The following B3GALT1 variants were observed in gnomAD, a reference collection of about 807,000 sequenced individuals.
The protein encoded by B3GALT1 is UDP-Gal:betaGlcNAc beta 1,3-galactosyltransferase, polypeptide 1.
In B3GALT1, 10 loss-of-function variants were observed where a neutral mutation model predicts 23.2. That is an observed-to-expected ratio of 0.43 (90% CI 0.27 to 0.73). The LOEUF is 0.73. Ranked by LOEUF, B3GALT1 falls within the 30% of genes least tolerant of loss-of-function variation. The probability of loss-of-function intolerance (pLI) is 0.21; values close to 1 mark genes in which losing one functional copy is unlikely to be tolerated. For synonymous variants in B3GALT1, 156 were observed against 141.5 expected, an observed-to-expected ratio of 1.10 and a Z score of -0.73; for missense variants, 299 against 405.4, an observed-to-expected ratio of 0.74 and a Z score of 2.25.
intron 1 of B3GALT1, among the ~76,000 whole-genome samples, chr2:167,320,143 GT>G (rs752351436): frequency 4.0e-5 from 6 of 149,634 alleles, no homozygotes; most frequent in Non-Finnish European, 8.9e-5. Context: ...TTTATTAAGT[GT>G]TTCTCCCTTT....
At position 167,491,553 on chromosome 2, in the gene B3GALT1, G is replaced by A. The variant is rs529501425; in HGVS notation, c.-410+1276G>A. ...TTATGGGCTGGGTGCAGTGGCTTAC[G>A]CCTGTAATCCCAGCACTTTGGGAGG... On this transcript the variant is annotated intron_variant, in intron 2 of 4. Coordinates refer to ENST00000392690, the MANE Select transcript of B3GALT1 (RefSeq NM_020981.4). Among the ~76,000 whole-genome samples the A allele has an allele frequency of 8.4e-5, 12 of 143,682 alleles. No individual in the cohort carries two copies. The South Asian group carries it at 1.6e-3, about 19-fold the overall frequency. 94.3% of individuals were successfully genotyped at this position (143,682 alleles called of 152,430 possible). A position where few individuals can be genotyped will look rare whatever the true frequency, so the allele number is the denominator to read the frequency against.
chr2:167,331,543 C>T (rs955842962), intron 1 of B3GALT1, among the ~76,000 whole-genome samples: 1 of 152,112 alleles, frequency 6.6e-6, no homozygotes, highest in Non-Finnish European at 1.5e-5. Context: ...GGAGTGGGTG[C>T]CAGCTGTAAT....
chr2:167,344,768 A>G (rs955027093), intron 1 of B3GALT1, among the ~76,000 whole-genome samples: 1 of 152,178 alleles, frequency 6.6e-6, no homozygotes, highest in African/African-American at 2.4e-5. Flanking sequence ...CCCATTTGGT[A>G]AAAAATACAA....
At position 167,595,769 on chromosome 2, in the gene B3GALT1, A is replaced by C. The variant is rs551441083; in HGVS notation, c.-409-51140A>C. Among the ~76,000 whole-genome samples the C allele has an allele frequency of 1.2e-4, 18 of 152,356 alleles. No homozygotes were observed. In the South Asian group the frequency reaches 3.7e-3, roughly 32 times the overall value. ...TTAAAATATGGGCTTTTATACTTTGATAAAATGAAAATGAAAGTTGTTTCT... is the reference window on the plus strand; with the variant it reads ...TTAAAATATGGGCTTTTATACTTTGCTAAAATGAAAATGAAAGTTGTTTCT... On this transcript the variant is annotated intron_variant, in intron 2 of 4. Transcript: ENST00000392690.
intron 1 of B3GALT1, among the ~76,000 whole-genome samples, chr2:167,371,936 A>C (rs960835183): frequency 1.3e-5 from 2 of 151,748 alleles, no homozygotes; most frequent in African/African-American, 4.8e-5. Context: ...ATATATTTAT[A>C]ATATTTTTTT....
chr2:167,463,000 C>T lies in B3GALT1; in HGVS notation c.-510-27177C>T, dbSNP rs148724515. 3.5e-3 allele frequency among the ~76,000 whole-genome samples: 538 copies of T among 152,098 alleles called. 20 individuals carry two copies. In the East Asian group the frequency reaches 0.076, roughly 21 times the overall value. ...TTGTTTATGATAAAATAAATGAGAACGTATCTGTTAATGAAATTTGGTTTC... is the reference window on the plus strand; with the variant it reads ...TTGTTTATGATAAAATAAATGAGAATGTATCTGTTAATGAAATTTGGTTTC... On this transcript the variant is annotated intron_variant, in intron 1 of 4. Coordinates refer to ENST00000392690, the MANE Select transcript of B3GALT1 (RefSeq NM_020981.4).
intron 1 of B3GALT1, among the ~76,000 whole-genome samples, chr2:167,313,762 C>G (rs1409126551): frequency 2.0e-5 from 3 of 152,150 alleles, no homozygotes; most frequent in Admixed American, 6.6e-5. Context: ...CTGACAGATG[C>G]ACAACAAGCT....
chr2:167,367,457 C>A (rs1370553530), intron 1 of B3GALT1, among the ~76,000 whole-genome samples: 1 of 152,154 alleles, frequency 6.6e-6, no homozygotes, highest in East Asian at 1.9e-4. Context: ...AAGAGAATAG[C>A]CTCTCATTCG....
intron 2 of B3GALT1, among the ~76,000 whole-genome samples, chr2:167,599,783 G>C (rs1684840427): frequency 6.6e-6 from 1 of 152,036 alleles, no homozygotes; most frequent in South Asian, 2.1e-4. Context: ...CTTCAGAATT[G>C]AACAATTCTG....
At chr2:167,457,837 C>T (rs977917716) in intron 1 of B3GALT1, among the ~76,000 whole-genome samples, 1 of 152,068 alleles carries the variant, frequency 6.6e-6, no homozygotes, top group African/African-American at 2.4e-5. Context: ...TTTTGTGGCC[C>T]CATTCTAGAC....
intron 1 of B3GALT1, among the ~76,000 whole-genome samples, chr2:167,476,021 A>T (rs1250258144): frequency 6.6e-6 from 1 of 152,148 alleles, no homozygotes; most frequent in Non-Finnish European, 1.5e-5. Context: ...ATATTGGATT[A>T]GGGGCCCACC....
rs1242349230 is a variant in B3GALT1, at chr2:167,664,040, C to T, written c.-352+17074C>T. Among the ~76,000 whole-genome samples the T allele has an allele frequency of 3.3e-5, 5 of 150,792 alleles. No individual in the cohort carries two copies. In the East Asian group the frequency reaches 9.7e-4, roughly 29 times the overall value. On this transcript the variant is annotated intron_variant, in intron 3 of 4. Coordinates refer to ENST00000392690, the MANE Select transcript of B3GALT1 (RefSeq NM_020981.4). ...TTTAGACATGAAGTCCTTGCCCATG[C>T]CTATGTCCTGAATGGTAATGCCTAG...
chr2:167,326,087 GTT>G (rs34790586), intron 1 of B3GALT1, among the ~76,000 whole-genome samples: 16 of 148,412 alleles, frequency 1.1e-4, no homozygotes, highest in South Asian at 2.1e-4. Context: ...ACCAATATCT[GTT>G]TTTTTTTTTC....
At chr2:167,386,595 G>A (rs73021726) in intron 1 of B3GALT1, among the ~76,000 whole-genome samples, 3,089 of 152,066 alleles carry the variant, frequency 0.02, 109 homozygotes, top group African/African-American at 0.071. Context: ...TACTATACTG[G>A]ATTATAAATG....
intron 3 of B3GALT1, among the ~76,000 whole-genome samples, chr2:167,746,868 G>A (rs562702930): frequency 2.6e-5 from 4 of 152,138 alleles, no homozygotes; most frequent in Non-Finnish European, 5.9e-5. Flanking sequence ...AATTGGGTTA[G>A]TACATATAAT....
intron 3 of B3GALT1, among the ~76,000 whole-genome samples, chr2:167,709,363 TG>T (rs1307655092): frequency 6.6e-6 from 1 of 152,228 alleles, no homozygotes; most frequent in African/African-American, 2.4e-5. Flanking sequence ...TGCTGAATTT[TG>T]GATGAGGTGA....
intron 1 of B3GALT1, among the ~76,000 whole-genome samples, chr2:167,375,007 T>C (rs2105272173): frequency 6.6e-6 from 1 of 152,312 alleles, no homozygotes; most frequent in Admixed American, 6.5e-5. Flanking sequence ...GAGTTCATTT[T>C]TGGATATGGC....
At chr2:167,354,494 G>A (rs1027970694) in intron 1 of B3GALT1, among the ~76,000 whole-genome samples, 13 of 151,684 alleles carry the variant, frequency 8.6e-5, no homozygotes, top group African/African-American at 2.9e-4. Flanking sequence ...CTACAGGCAC[G>A]TGCCACCACG....
intron 2 of B3GALT1, among the ~76,000 whole-genome samples, chr2:167,642,337 G>T (rs984113614): frequency 1.3e-5 from 2 of 152,130 alleles, no homozygotes; most frequent in Non-Finnish European, 2.9e-5. Flanking sequence ...TTCATGTGCC[G>T]TAAAACCAGC....
Sources: gnomAD v4.1 joint callset for allele counts (sites outside exome capture counted in the v4.1 genomes callset) on GRCh38, gnomAD v4.1.1 for gene constraint, MANE v1.5 for transcripts, NCBI Gene and HGNC (gene_info 2026-07-23, HGNC 2026-07-21) for gene names.